CLIC2: variants seen among roughly 807,000 people sequenced by gnomAD.
CLIC2 encodes the protein chloride intracellular channel protein 2.
CLIC2 carries 9 observed loss-of-function variants against 14.8 expected under a neutral mutation model. The observed-to-expected ratio is 0.61, with a 90% CI of 0.37 to 1.06. The LOEUF (loss-of-function observed/expected upper bound fraction) is 1.06. CLIC2 is among the 50% of genes least tolerant of loss of function. CLIC2 has a pLI of 0.01. For synonymous variants in CLIC2, 61 were observed against 66.3 expected (o/e 0.92, Z 0.39); for missense variants, 148 against 181.4 (o/e 0.82, Z 1.06).
intron 1 of CLIC2, among the ~76,000 whole-genome samples, chrX:155,325,018 C>T (rs782681215): frequency 1.8e-5 from 2 of 112,392 alleles, no homozygotes; most frequent in South Asian, 7.3e-4. Context: ...AGCTAATCAT[C>T]ACTGATCATT....
intron 3 of CLIC2, chrX:155,290,493 C>G (rs1479410676): frequency 3.7e-6 from 2 of 541,152 alleles, no homozygotes; most frequent in African/African-American, 4.6e-5. Flanking sequence ...CTATCTCAAT[C>G]TTTCTAATTA....
At chrX:155,279,117 C>T in intron 5 of CLIC2, 32 bp downstream of exon 5, 2 of 1,182,445 alleles carry the variant, frequency 1.7e-6, no homozygotes, top group East Asian at 3.0e-5. Context: ...CAAACCCCTC[C>T]CACCCATTCA....
intron 1 of CLIC2, among the ~76,000 whole-genome samples, chrX:155,307,040 C>T (rs1431978237): frequency 2.7e-5 from 3 of 111,685 alleles, no homozygotes; most frequent in Non-Finnish European, 5.6e-5. Context: ...TACTCATTTA[C>T]TTACCCAATG....
intron 1 of CLIC2, among the ~76,000 whole-genome samples, chrX:155,305,226 A>C (rs782322821): frequency 3.6e-4 from 40 of 112,106 alleles, no homozygotes; most frequent in African/African-American, 1.3e-3. Flanking sequence ...GCTAGCAATC[A>C]GCGAGACTCC....
intron 1 of CLIC2, among the ~76,000 whole-genome samples, chrX:155,306,579 T>G (rs1239720109): frequency 9.0e-6 from 1 of 111,713 alleles, no homozygotes; most frequent in Admixed American, 9.5e-5. Flanking sequence ...CTGGATAATT[T>G]ATAAGAAAAG....
chrX:155,285,829 C>CT (rs200987876), intron 3 of CLIC2, among the ~76,000 whole-genome samples: 38 of 103,130 alleles, frequency 3.7e-4, no homozygotes, highest in South Asian at 1.7e-3. Context: ...TTCTTTCTTT[C>CT]TTTTTTTTTT....
chrX:155,329,847 T>C (rs781847005), intron 1 of CLIC2, among the ~76,000 whole-genome samples: 2 of 111,417 alleles, frequency 1.8e-5, no homozygotes, highest in East Asian at 5.7e-4. Context: ...AGCAGAGTAC[T>C]ATTCAACCAT....
chrX:155,281,355 T>C (rs1336001585), intron 3 of CLIC2, among the ~76,000 whole-genome samples: 1 of 110,270 alleles, frequency 9.1e-6, no homozygotes, highest in Non-Finnish European at 1.9e-5. Flanking sequence ...TTAGGTGCTC[T>C]TACCATATAA....
chrX:155,324,937 T>A (rs1465650934), intron 1 of CLIC2, among the ~76,000 whole-genome samples: 4 of 111,471 alleles, frequency 3.6e-5, no homozygotes, highest in African/African-American at 1.3e-4. Flanking sequence ...AACAACCCCA[T>A]CAAAAAGTGG....
At chrX:155,327,872 T>C (rs915833511) in intron 1 of CLIC2, among the ~76,000 whole-genome samples, 19 of 111,773 alleles carry the variant, frequency 1.7e-4, no homozygotes, top group Admixed American at 1.6e-3. Flanking sequence ...CATCAATTAA[T>C]GAGATACATC....
At chrX:155,294,353 A>G (rs782656637) in intron 3 of CLIC2, among the ~76,000 whole-genome samples, 3 of 112,068 alleles carry the variant, frequency 2.7e-5, no homozygotes, top group African/African-American at 9.7e-5. Flanking sequence ...TCTTGAAACA[A>G]ATGAAAATTG....
intron 1 of CLIC2, among the ~76,000 whole-genome samples, chrX:155,328,604 C>A (rs186563627): frequency 2.8e-5 from 3 of 109,004 alleles, no homozygotes; most frequent in African/African-American, 1.0e-4. Flanking sequence ...AATGCAATCC[C>A]TATCAAAATG....
chrX:155,293,159 G>A, intron 3 of CLIC2: 1 of 684,919 alleles, frequency 1.5e-6, no homozygotes, highest in Non-Finnish European at 2.4e-6. Flanking sequence ...AGCTCCTCTG[G>A]CAAGGTATCT....
chrX:155,291,130 A>G (rs781872095), intron 3 of CLIC2: 42 of 1,013,550 alleles, frequency 4.1e-5, no homozygotes, highest in Admixed American at 2.2e-4. Context: ...ATGAATATCC[A>G]TTCATATCCC....
intron 1 of CLIC2, chrX:155,310,150 T>C (rs2075068897): frequency 8.7e-6 from 1 of 114,598 alleles, no homozygotes; most frequent in Non-Finnish European, 1.8e-5. Context: ...AGCAGGGCAG[T>C]CAGATCTTAA....
intron 3 of CLIC2, among the ~76,000 whole-genome samples, chrX:155,287,421 T>C (rs1396867689): frequency 9.0e-6 from 1 of 111,299 alleles, no homozygotes; most frequent in Non-Finnish European, 1.9e-5. Flanking sequence ...GCAACCTCCA[T>C]CTCTCAGGTT....
Position 155,312,143 on chromosome X carries a change from T to G in CLIC2, c.58-12998A>C, listed in dbSNP as rs1453336357. Among the ~76,000 whole-genome samples, 7 of 112,361 alleles carry G rather than the reference T, an allele frequency of 6.2e-5. No individual in the cohort carries two copies. In the Admixed American group the frequency reaches 6.6e-4, roughly 11 times the overall value. Reference sequence around the variant, plus strand: ...TGTTTACTGTGTTGATAGTTTCTTTTGCTGTGTAGGAGCTCTTAAGTTTAA... The same window carrying G: ...TGTTTACTGTGTTGATAGTTTCTTTGGCTGTGTAGGAGCTCTTAAGTTTAA... On this transcript the variant is annotated intron_variant, in intron 1 of 5. Coordinates refer to ENST00000369449, the MANE Select transcript of CLIC2 (RefSeq NM_001289.6).
rs1004096968 is a variant in CLIC2 at position 155,313,709 on chromosome X, G to A, written c.58-14564C>T. Among the ~76,000 whole-genome samples, 4 of 111,949 alleles carry A rather than the reference G, an allele frequency of 3.6e-5. No individual in the cohort carries two copies. In the South Asian group the frequency reaches 1.5e-3, roughly 42 times the overall value. The stretch of plus-strand genomic sequence containing the variant: ...CCACAGACCCTTTGAAGGAACTGGA[G>A]CACTGCTGCATGCTCCCTGAGATGC... On this transcript the variant is annotated intron_variant, in intron 1 of 5. Coordinates refer to ENST00000369449, the MANE Select transcript of CLIC2 (RefSeq NM_001289.6).
chrX:155,303,940 C>T (rs1439233926), intron 1 of CLIC2, among the ~76,000 whole-genome samples: 3 of 105,779 alleles, frequency 2.8e-5, no homozygotes, highest in African/African-American at 6.9e-5. Flanking sequence ...GGGTTTCTGC[C>T]GACAGATCCG....
Sources: gnomAD v4.1 joint callset for allele counts (sites outside exome capture counted in the v4.1 genomes callset) on GRCh38, gnomAD v4.1.1 for gene constraint, MANE v1.5 for transcripts, NCBI Gene and HGNC (gene_info 2026-07-23, HGNC 2026-07-21) for gene names.